Variants in NF1 observed in about 807,000 individuals in gnomAD.
NF1 encodes neurofibromin 1.
Under a neutral mutation model 325.7 loss-of-function variants are expected in NF1, and 122 were observed. That is an observed-to-expected ratio of 0.37 (90% CI 0.32 to 0.44). The LOEUF (loss-of-function observed/expected upper bound fraction) is 0.44. Among genes scored for constraint, NF1 ranks in the 20% least tolerant of loss-of-function variants. The probability of loss-of-function intolerance (pLI) is 1.00; values close to 1 mark genes in which losing one functional copy is unlikely to be tolerated. For synonymous variants in NF1, 1,091 were observed against 1,186.0 expected (o/e 0.92, Z 1.65); for missense variants, 2,140 against 3,415.4 (o/e 0.63, Z 9.31).
At chr17:31,334,374 C>T (rs2069586661) in intron 39 of NF1, among the ~76,000 whole-genome samples, 2 of 152,108 alleles carry the variant, frequency 1.3e-5, no homozygotes, top group Admixed American at 6.6e-5. Flanking sequence ...AGCATAATCC[C>T]CGTTTTTGCG....
intron 36 of NF1, among the ~76,000 whole-genome samples, chr17:31,293,165 C>T (rs551191113): frequency 1.1e-5 from 1 of 87,212 alleles, no homozygotes; most frequent in South Asian, 4.0e-4. Flanking sequence ...GGGATAAGAG[C>T]GAGACTTCGT....
chr17:31,178,220 T>G (rs1178833501), intron 5 of NF1, among the ~76,000 whole-genome samples: 4 of 152,160 alleles, frequency 2.6e-5, no homozygotes, highest in Non-Finnish European at 5.9e-5. Context: ...TATTCAACAT[T>G]CTTAAAGAAA....
At chr17:31,236,069 T>C (rs1555615592) in intron 29 of NF1, 48 bp downstream of exon 29, 1 of 1,284,316 alleles carries the variant, frequency 7.8e-7, no homozygotes. Flanking sequence ...TTTTTTTTTT[T>C]TGTTTGTTTG....
Position 31,260,629 on chromosome 17 carries a change from T to C in NF1, c.4577+114T>C, listed in dbSNP as rs17883360. ...TTGCATCTTCTTGGACTAAGAATTA[T>C]GGTTTAGAAAGAGAAAGATTCTTTT... On this transcript the variant is annotated intron_variant, in intron 34 of 57. Coordinates refer to ENST00000358273, the MANE Select transcript of NF1 (RefSeq NM_001042492.3). 105 of 1,269,386 alleles carry C rather than the reference T, an allele frequency of 8.3e-5. No individual in the cohort carries two copies. In the East Asian group the frequency reaches 2.2e-3, roughly 27 times the overall value. 78.6% of individuals were successfully genotyped at this position (1,269,386 alleles called of 1,614,324 possible).
chr17:31,205,456 A>G (rs763606476), intron 11 of NF1, among the ~76,000 whole-genome samples: 2 of 152,178 alleles, frequency 1.3e-5, no homozygotes, highest in African/African-American at 2.4e-5. Context: ...TTAAAGATAT[A>G]GTGATTTTCA....
chr17:31,229,521 A>T (rs2151430009), intron 21 of NF1, 56 bp downstream of exon 21: 1 of 1,563,256 alleles, frequency 6.4e-7, no homozygotes, highest in Non-Finnish European at 8.8e-7. Context: ...CTTGTTTGAA[A>T]TAAGCCTTTT....
At chr17:31,363,437 T>G (rs1434625758) in intron 57 of NF1, among the ~76,000 whole-genome samples, 3 of 32,500 alleles carry the variant, frequency 9.2e-5, no homozygotes, top group Non-Finnish European at 3.1e-4. Flanking sequence ...TATCTCTCTC[T>G]TTTTTTTTTT....
chr17:31,248,505 A>T (rs1260236757), intron 29 of NF1, among the ~76,000 whole-genome samples: 7 of 152,094 alleles, frequency 4.6e-5, no homozygotes, highest in Admixed American at 2.0e-4. Context: ...TTTCTGTTAA[A>T]TTTTTTTCAG....
At chr17:31,239,171 G>A (rs192790631) in intron 29 of NF1, among the ~76,000 whole-genome samples, 1 of 152,332 alleles carries the variant, frequency 6.6e-6, no homozygotes, top group Admixed American at 6.5e-5. Context: ...AATATGCTAA[G>A]GGCTTTCATG....
chr17:31,272,294 T>C (rs1291071877), intron 36 of NF1: 1 of 152,232 alleles, frequency 6.6e-6, no homozygotes, highest in Non-Finnish European at 1.5e-5. Context: ...AAAATAAATG[T>C]TGTCCATTGG....
intron 5 of NF1, among the ~76,000 whole-genome samples, chr17:31,175,680 C>T (rs2066009783): frequency 1.3e-5 from 2 of 151,988 alleles, no homozygotes; most frequent in African/African-American, 4.8e-5. Flanking sequence ...TTACCTCAGC[C>T]CCCACCCCCC....
At chr17:31,298,140 T>C (rs377596937) in intron 36 of NF1, among the ~76,000 whole-genome samples, 13 of 152,270 alleles carry the variant, frequency 8.5e-5, no homozygotes, top group African/African-American at 2.9e-4. Context: ...TTCAGAGTGT[T>C]GCACATTTCA....
intron 22 of NF1, 86 bp from the exon 23 acceptor site, chr17:31,230,174 C>G (rs570721340): frequency 4.7e-6 from 7 of 1,491,478 alleles, no homozygotes; most frequent in African/African-American, 4.2e-5. Flanking sequence ...ACATTTAATT[C>G]GTTTTACTTG....
intron 11 of NF1, 129 bp from the exon 12 acceptor site, chr17:31,206,111 G>A (rs2066615320): frequency 2.2e-6 from 2 of 913,070 alleles, no homozygotes; most frequent in Admixed American, 1.8e-5. Flanking sequence ...TGGAAATCAT[G>A]GTGTGTGTTT....
chr17:31,305,279 G>T (rs2068684745), intron 36 of NF1: 1 of 1,614,108 alleles, frequency 6.2e-7, no homozygotes, highest in East Asian at 2.2e-5. Context: ...TTGGCTATTG[G>T]TGTTGGTTGT....
At chr17:31,350,944 C>T (rs945133133) in intron 50 of NF1, among the ~76,000 whole-genome samples, 7 of 152,036 alleles carry the variant, frequency 4.6e-5, no homozygotes, top group Admixed American at 2.6e-4. Flanking sequence ...ATCTTCTGTT[C>T]GCAAAACTCG....
At chr17:31,229,654 C>A in intron 21 of NF1, 181 bp from the exon 22 acceptor site, 1 of 945,946 alleles carries the variant, frequency 1.1e-6, no homozygotes, top group Non-Finnish European at 1.7e-6. Flanking sequence ...TGTATGTGTG[C>A]CTAAGGGTAT....
intron 36 of NF1, chr17:31,295,162 G>A: frequency 6.2e-7 from 1 of 1,614,186 alleles, no homozygotes; most frequent in Admixed American, 1.7e-5. Flanking sequence ...GCATTTCAGA[G>A]AAATTATTTG....
intron 8 of NF1, among the ~76,000 whole-genome samples, chr17:31,183,944 C>T (rs1046654147): frequency 3.1e-4 from 47 of 152,170 alleles, no homozygotes; most frequent in African/African-American, 1.1e-3. Context: ...ACCTTGTGAT[C>T]GTGCTAGTTA....
Sources: gnomAD v4.1 joint callset for allele counts (sites outside exome capture counted in the v4.1 genomes callset) on GRCh38, gnomAD v4.1.1 for gene constraint, MANE v1.5 for transcripts, NCBI Gene and HGNC (gene_info 2026-07-23, HGNC 2026-07-21) for gene names.